GSTCD: variants seen among roughly 807,000 people sequenced by gnomAD.
GSTCD encodes the protein glutathione S-transferase C-terminal domain-containing protein.
Under a neutral mutation model 68.3 loss-of-function variants are expected in GSTCD, and 44 were observed. The observed-to-expected ratio is 0.64, with a 90% CI of 0.51 to 0.83. GSTCD has a LOEUF of 0.83. GSTCD is among the 40% of genes least tolerant of loss of function. The probability of loss-of-function intolerance (pLI) is 0.00; values close to 1 mark genes in which losing one functional copy is unlikely to be tolerated. For missense variants in GSTCD, 739 were observed against 735.9 expected, an observed-to-expected ratio of 1.00 and a Z score of -0.05; for synonymous variants, 273 against 255.2, an observed-to-expected ratio of 1.07 and a Z score of -0.67.
intron 5 of GSTCD, among the ~76,000 whole-genome samples, chr4:105,750,904 G>GTA (rs1560810601): frequency 6.6e-5 from 10 of 152,286 alleles, no homozygotes; most frequent in Admixed American, 5.2e-4. Context: ...TACCTATACT[G>GTA]TATGTTTGCC....
In GSTCD at chr4:105,737,951, A is replaced by G. The variant is rs768724354; in HGVS notation, c.1240+8452A>G. On this transcript the variant is annotated intron_variant, in intron 5 of 11. Coordinates refer to ENST00000515279, the MANE Select transcript of GSTCD (RefSeq NM_001370181.1). Reference sequence around the variant, plus strand: ...GTGTGAGTTCTCACTCTTAGTTCCCATGAGAACCAGTTGTTGAAAAAAGCC... The same window carrying G: ...GTGTGAGTTCTCACTCTTAGTTCCCGTGAGAACCAGTTGTTGAAAAAAGCC... 4.7e-4 allele frequency among the ~76,000 whole-genome samples: 71 copies of G among 152,126 alleles called. 1 individual carries two copies. Among genetic ancestry groups the G allele is most frequent in the Middle Eastern group, 3.2e-3 (1 of 316 alleles).
intron 3 of GSTCD, among the ~76,000 whole-genome samples, chr4:105,726,076 A>C (rs966174291): frequency 2.6e-5 from 4 of 152,188 alleles, no homozygotes; most frequent in African/African-American, 4.8e-5. Context: ...ACACTGCTAC[A>C]TTATAATGTA....
chr4:105,733,826 G>A (rs187404481), intron 5 of GSTCD, among the ~76,000 whole-genome samples: 6,879 of 152,224 alleles, frequency 0.045, 206 homozygotes, highest in Non-Finnish European at 0.069. Flanking sequence ...GGCTGGTAGC[G>A]GTTTTTCCTT....
chr4:105,780,158 G>T (rs1453163116), intron 5 of GSTCD, among the ~76,000 whole-genome samples: 1 of 152,180 alleles, frequency 6.6e-6, no homozygotes, highest in Non-Finnish European at 1.5e-5. Flanking sequence ...ATGATGGACA[G>T]ACCCAGGAGT....
intron 5 of GSTCD, among the ~76,000 whole-genome samples, chr4:105,804,363 T>C (rs1736250548): frequency 6.6e-6 from 1 of 152,116 alleles, no homozygotes; most frequent in Non-Finnish European, 1.5e-5. Context: ...TAAATTATAG[T>C]ATGTCTTCTA....
intron 5 of GSTCD, among the ~76,000 whole-genome samples, chr4:105,812,966 T>C (rs996171240): frequency 6.6e-6 from 1 of 152,184 alleles, no homozygotes; most frequent in African/African-American, 2.4e-5. Flanking sequence ...AAATTGTTAG[T>C]ACTATGTATA....
intron 5 of GSTCD, among the ~76,000 whole-genome samples, chr4:105,798,390 G>A (rs1273600197): frequency 1.3e-5 from 2 of 151,664 alleles, no homozygotes; most frequent in Admixed American, 6.6e-5. Context: ...TGAATGTTCT[G>A]AACGGCATCT....
At chr4:105,746,890 G>C (rs1733823322) in intron 5 of GSTCD, among the ~76,000 whole-genome samples, 1 of 152,112 alleles carries the variant, frequency 6.6e-6, no homozygotes, top group Admixed American at 6.5e-5. Flanking sequence ...TCAATAAAAA[G>C]TCTGTGTGCT....
At chr4:105,768,818 G>A (rs1734720274) in intron 5 of GSTCD, among the ~76,000 whole-genome samples, 1 of 151,244 alleles carries the variant, frequency 6.6e-6, no homozygotes, top group Admixed American at 6.6e-5. Flanking sequence ...AAATTATTCA[G>A]GATTTATATT....
At chr4:105,834,630 T>C (rs368892011) in intron 9 of GSTCD, 36 bp downstream of exon 9, 3 of 1,603,402 alleles carry the variant, frequency 1.9e-6, no homozygotes, top group Non-Finnish European at 2.6e-6. Context: ...GACACCAACA[T>C]GGGTATAAGC....
chr4:105,777,633 A>G (rs962401421), intron 5 of GSTCD, among the ~76,000 whole-genome samples: 1 of 152,222 alleles, frequency 6.6e-6, no homozygotes, highest in Non-Finnish European at 1.5e-5. Context: ...GCTTAAAAGC[A>G]TAAGCTTTTG....
At chr4:105,767,691 A>C (rs1324349640) in intron 5 of GSTCD, among the ~76,000 whole-genome samples, 1 of 152,194 alleles carries the variant, frequency 6.6e-6, no homozygotes, top group East Asian at 1.9e-4. Flanking sequence ...CAAAAACTAT[A>C]AGCCTGTGTC....
intron 5 of GSTCD, among the ~76,000 whole-genome samples, chr4:105,780,519 A>G (rs1327445755): frequency 6.6e-6 from 1 of 152,248 alleles, no homozygotes; most frequent in Non-Finnish European, 1.5e-5. Context: ...CTGACTGAAC[A>G]GAATGAATGG....
At chr4:105,740,024 A>G (rs749142640) in intron 5 of GSTCD, among the ~76,000 whole-genome samples, 4 of 152,126 alleles carry the variant, frequency 2.6e-5, no homozygotes, top group Non-Finnish European at 5.9e-5. Flanking sequence ...TGGGGATGTC[A>G]GGGCATTGGA....
In GSTCD at chr4:105,845,538, C is replaced by A. The variant is rs760395783; in HGVS notation, c.1863C>A (p.Cys621Ter). The change falls in exon 12 of 12, where the codon TGC (cysteine) becomes TGA (stop). Residue 621 changes from cysteine to a stop codon, truncating the protein, a stop_gained. Transcript: ENST00000515279. LOFTEE classifies it high-confidence loss of function. ...VQVISMEPES[C>*]SPKNNMIVGV... ...TGATATCCATGGAGCCAGAGAGCTGCTCTCCCAAAAATAACATGATTGTGG... is the reference window on the plus strand; with the variant it reads ...TGATATCCATGGAGCCAGAGAGCTGATCTCCCAAAAATAACATGATTGTGG... 1.2e-6 allele frequency: 2 copies of A among 1,613,980 alleles called. No homozygotes were observed. The highest frequency in any genetic ancestry group is 1.7e-6 in the Non-Finnish European group (2 of 1,179,970).
At chr4:105,735,565 CTG>C (rs1299727514) in intron 5 of GSTCD, among the ~76,000 whole-genome samples, 1 of 152,154 alleles carries the variant, frequency 6.6e-6, no homozygotes, top group Non-Finnish European at 1.5e-5. Context: ...TTTCCGGGTG[CTG>C]TGTGTCACCG....
intron 5 of GSTCD, among the ~76,000 whole-genome samples, chr4:105,753,034 A>G (rs1176141040): frequency 6.6e-6 from 1 of 152,064 alleles, no homozygotes; most frequent in Non-Finnish European, 1.5e-5. Flanking sequence ...ATCTTAGGGT[A>G]GAAATATGTA....
chr4:105,842,451 A>G (rs932904937), intron 11 of GSTCD, among the ~76,000 whole-genome samples: 1 of 152,236 alleles, frequency 6.6e-6, no homozygotes, highest in African/African-American at 2.4e-5. Flanking sequence ...GAAAATAATA[A>G]AGATTAAAAA....
At chr4:105,766,849 TGGA>T (rs1488608936) in intron 5 of GSTCD, among the ~76,000 whole-genome samples, 1 of 149,190 alleles carries the variant, frequency 6.7e-6, no homozygotes, top group Non-Finnish European at 1.5e-5. Flanking sequence ...ACTCAGAAGA[TGGA>T]TTAGTGTCCC....
Sources: gnomAD v4.1 joint callset for allele counts (sites outside exome capture counted in the v4.1 genomes callset) on GRCh38, gnomAD v4.1.1 for gene constraint, MANE v1.5 for transcripts, NCBI Gene and HGNC (gene_info 2026-07-23, HGNC 2026-07-21) for gene names.